Variants in SLC24A2 observed in about 807,000 individuals in gnomAD.
The protein encoded by SLC24A2 is sodium/potassium/calcium exchanger 2.
SLC24A2 carries 36 observed loss-of-function variants against 62.0 expected under a neutral mutation model. The observed-to-expected ratio is 0.58, with a 90% CI of 0.44 to 0.77. The LOEUF (loss-of-function observed/expected upper bound fraction) is 0.77, where lower values mean the gene tolerates loss of function less well. SLC24A2 is among the 30% of genes least tolerant of loss of function. The pLI is 0.00. For missense variants in SLC24A2, 846 were observed against 817.9 expected, an observed-to-expected ratio of 1.03 and a Z score of -0.42; for synonymous variants, 358 against 294.0, an observed-to-expected ratio of 1.22 and a Z score of -2.23.
chr9:20,238,333 A>G, the SLC24A2 span, among the ~76,000 whole-genome samples: 1 of 152,176 alleles, frequency 6.6e-6, no homozygotes, highest in Non-Finnish European at 1.5e-5. Context: ...GTAAAGCCAA[A>G]AACTCCGACC....
chr9:20,114,777 G>C, the SLC24A2 span, among the ~76,000 whole-genome samples: 24 of 152,092 alleles, frequency 1.6e-4, no homozygotes, highest in African/African-American at 5.6e-4. Flanking sequence ...GAGGAACCAG[G>C]ATATGGCCCA....
At chr9:19,584,175 A>ACTGT (rs1049778518) in intron 5 of SLC24A2, among the ~76,000 whole-genome samples, 1 of 151,454 alleles carries the variant, frequency 6.6e-6, no homozygotes, top group African/African-American at 2.4e-5. Flanking sequence ...ACAGGCCTAC[A>ACTGT]CTGTCTTGCA....
chr9:20,031,075 TAGAG>T, the SLC24A2 span, among the ~76,000 whole-genome samples: 10 of 151,724 alleles, frequency 6.6e-5, no homozygotes, highest in South Asian at 6.2e-4. Context: ...ATTTAGAATA[TAGAG>T]AGAGATATGG....
chr9:20,228,822 C>A, the SLC24A2 span, among the ~76,000 whole-genome samples: 2 of 152,068 alleles, frequency 1.3e-5, no homozygotes, highest in African/African-American at 2.4e-5. Context: ...GAGCTCCCAG[C>A]TGAGGAAGGA....
At chr9:19,531,559 C>G (rs377368409) in intron 8 of SLC24A2, among the ~76,000 whole-genome samples, 1 of 152,120 alleles carries the variant, frequency 6.6e-6, no homozygotes, top group African/African-American at 2.4e-5. Flanking sequence ...AGAGTGATAT[C>G]GGCTTGGCTT....
At chr9:20,222,634 A>G in the SLC24A2 span, among the ~76,000 whole-genome samples, 2 of 152,108 alleles carry the variant, frequency 1.3e-5, no homozygotes, top group African/African-American at 2.4e-5. Flanking sequence ...AGAGTGTAAA[A>G]ACCAAACGAG....
chr9:19,895,460 G>A, the SLC24A2 span, among the ~76,000 whole-genome samples: 1 of 151,644 alleles, frequency 6.6e-6, no homozygotes, highest in Non-Finnish European at 1.5e-5. Context: ...TAAAGTAGGG[G>A]AAAGTTCAGA....
the SLC24A2 span, among the ~76,000 whole-genome samples, chr9:20,295,933 A>C: frequency 3.3e-5 from 5 of 152,142 alleles, no homozygotes; most frequent in Admixed American, 6.6e-5. Flanking sequence ...TTTTGGTTCT[A>C]TCTCTCTGGA....
the SLC24A2 span, among the ~76,000 whole-genome samples, chr9:19,839,810 A>G: frequency 2.0e-5 from 3 of 152,200 alleles, no homozygotes; most frequent in Admixed American, 2.0e-4. Context: ...CCATAAGATT[A>G]TAATGGAGCT....
rs1159675325 is a variant in SLC24A2 at position 19,669,812 on chromosome 9, G to C, written c.931-47513C>G. ...TGCTCTGCCCATCTCAAGGTCAGCT[G>C]ATTAGCAACCTTAATTTTATCTGCA... is the stretch of plus-strand genomic sequence containing the variant. On this transcript the variant is annotated intron_variant, in intron 2 of 10. Coordinates refer to ENST00000341998, the MANE Select transcript of SLC24A2 (RefSeq NM_020344.4). 2.6e-5 allele frequency among the ~76,000 whole-genome samples: 4 copies of C among 152,184 alleles called. No homozygotes were observed. The East Asian group carries it at 7.7e-4, about 29-fold the overall frequency.
the SLC24A2 span, among the ~76,000 whole-genome samples, chr9:20,259,448 A>T: frequency 3.3e-5 from 5 of 152,228 alleles, no homozygotes; most frequent in East Asian, 9.6e-4. Flanking sequence ...ACCAAAAAAA[A>T]ATTAGTTTGT....
At chr9:19,652,828 T>C (rs16937679) in intron 2 of SLC24A2, among the ~76,000 whole-genome samples, 11,395 of 152,300 alleles carry the variant, frequency 0.075, 491 homozygotes, top group Middle Eastern at 0.13. Flanking sequence ...CCAGATTCAA[T>C]GATCATTCAT....
chr9:20,273,708 GC>G, the SLC24A2 span, among the ~76,000 whole-genome samples: 1 of 152,084 alleles, frequency 6.6e-6, no homozygotes, highest in African/African-American at 2.4e-5. Flanking sequence ...TTTGTAAATT[GC>G]CCAGTCTCAG....
At chr9:20,037,827 G>A in the SLC24A2 span, among the ~76,000 whole-genome samples, 4 of 152,202 alleles carry the variant, frequency 2.6e-5, no homozygotes, top group Admixed American at 6.5e-5. Context: ...GTGGGGGCCA[G>A]GGATGCTGCA....
At chr9:19,701,595 T>C (rs1323720246) in intron 2 of SLC24A2, among the ~76,000 whole-genome samples, 1 of 152,200 alleles carries the variant, frequency 6.6e-6, no homozygotes, top group Non-Finnish European at 1.5e-5. Flanking sequence ...AAATAGACCT[T>C]ACTGGGCTAA....
chr9:19,860,583 T>C, the SLC24A2 span, among the ~76,000 whole-genome samples: 3 of 152,086 alleles, frequency 2.0e-5, no homozygotes, highest in Non-Finnish European at 4.4e-5. Context: ...AATAAAACTT[T>C]ATCTTGCACC....
At chr9:19,821,976 A>G in the SLC24A2 span, among the ~76,000 whole-genome samples, 5 of 152,168 alleles carry the variant, frequency 3.3e-5, no homozygotes, top group Non-Finnish European at 7.4e-5. Flanking sequence ...TCACCTGAGG[A>G]TGCTGGGGAC....
chr9:19,780,395 G>T (rs1022762558), intron 2 of SLC24A2, among the ~76,000 whole-genome samples: 2 of 151,230 alleles, frequency 1.3e-5, no homozygotes, highest in African/African-American at 2.4e-5. Context: ...AGCCTCCTGA[G>T]TAGCTGGGAT....
Position 19,662,550 on chromosome 9 carries a change from C to T in SLC24A2, c.931-40251G>A, listed in dbSNP as rs116772593. ...GTTACCCTCCAAGGCACGCACACAT[C>T]TCCTCAACTAATTTACAAGCCCTTG... On this transcript the variant is annotated intron_variant, in intron 2 of 10. Transcript: ENST00000341998. Among the ~76,000 whole-genome samples the T allele has an allele frequency of 1.3e-3, 193 of 152,288 alleles. 2 individuals carry two copies. Among genetic ancestry groups the T allele is most frequent in the African/African-American group, 4.5e-3 (188 of 41,562 alleles).
Sources: allele counts gnomAD v4.1 joint callset (sites outside exome capture counted in the v4.1 genomes callset), GRCh38; gene constraint gnomAD v4.1.1; transcripts MANE v1.5; gene names NCBI Gene and HGNC (gene_info 2026-07-23, HGNC 2026-07-21).